ZNF225: variants seen among roughly 807,000 people sequenced by gnomAD.
ZNF225 encodes zinc finger protein 225.
In ZNF225, 6 loss-of-function variants were observed where a neutral mutation model predicts 12.0. The observed-to-expected ratio is 0.50, with a 90% CI of 0.27 to 0.98. The LOEUF (loss-of-function observed/expected upper bound fraction) is 0.98, where lower values mean the gene tolerates loss of function less well. ZNF225 is among the 50% of genes least tolerant of loss of function. The pLI, the probability that ZNF225 is intolerant of heterozygous loss-of-function variation, is 0.11. For synonymous variants in ZNF225, 271 were observed against 283.2 expected, an observed-to-expected ratio of 0.96 and a Z score of 0.43; for missense variants, 763 against 848.2, an observed-to-expected ratio of 0.90 and a Z score of 1.25.
intron 1 of ZNF225, chr19:44,114,308 G>T: frequency 1.9e-6 from 1 of 535,592 alleles, no homozygotes. Context: ...GCTTTCAGTT[G>T]TCATGTTTTT....
intron 4 of ZNF225, among the ~76,000 whole-genome samples, chr19:44,122,266 CT>C (rs1253645448): frequency 6.6e-6 from 1 of 152,104 alleles, no homozygotes; most frequent in East Asian, 1.9e-4. Flanking sequence ...CTTTCCCCCA[CT>C]TTATGTTTTT....
rs1393085615 is a variant in ZNF225 at position 44,132,907 on chromosome 19, T to G, written c.*172T>G. The stretch of plus-strand genomic sequence containing the variant: ...TATTTGAAAATAATACGTTGTTAAT[T>G]ACTGTCACCCTGTAGTGGTGTAAAA... On this transcript the variant is annotated 3_prime_UTR_variant, in exon 5 of 5. Transcript: ENST00000262894. 2 of 596,812 alleles carry G rather than the reference T, an allele frequency of 3.4e-6. No homozygotes were observed. Among genetic ancestry groups the G allele is most frequent in the East Asian group, 6.3e-5 (2 of 31,720 alleles). The allele number at this position is 596,812 out of a possible 1,614,324, so 37.0% of individuals were successfully genotyped here.
At chr19:44,118,937 C>G (rs1380465560) in intron 4 of ZNF225, among the ~76,000 whole-genome samples, 1 of 152,094 alleles carries the variant, frequency 6.6e-6, no homozygotes, top group African/African-American at 2.4e-5. Context: ...CTGCCTCAGC[C>G]TCCTGAGTAG....
rs35389038 is a variant in ZNF225, at chr19:44,131,507, G to A, written c.893G>A (p.Arg298His). The change falls in exon 5 of 5, where the codon CGT becomes CAT. Residue 298 changes from arginine (R) to histidine (H), a missense_variant. Transcript: ENST00000262894. ...FKCDICCKSF[R>H]SRANLNRHSM... ...TGTGATATATGTTGTAAGAGCTTCCGTAGTAGAGCAAATCTTAATAGGCAT... is the reference window on the plus strand; with the variant it reads ...TGTGATATATGTTGTAAGAGCTTCCATAGTAGAGCAAATCTTAATAGGCAT... 106 of 1,614,124 alleles carry A rather than the reference G, an allele frequency of 6.6e-5. No homozygotes were observed. In the African/African-American group the frequency reaches 1.1e-3, roughly 16 times the overall value.
intron 4 of ZNF225, among the ~76,000 whole-genome samples, chr19:44,121,525 T>G (rs1366705909): frequency 6.6e-6 from 1 of 152,236 alleles, no homozygotes; most frequent in African/African-American, 2.4e-5. Context: ...GTGGGATTGC[T>G]GGATCAAATG....
intron 4 of ZNF225, among the ~76,000 whole-genome samples, chr19:44,125,456 A>G (rs1471356315): frequency 2.0e-5 from 3 of 152,190 alleles, no homozygotes; most frequent in Non-Finnish European, 4.4e-5. Flanking sequence ...TCTGTCTCAC[A>G]GCTCTTAAGA....
At chr19:44,123,611 C>T (rs2147563078) in intron 4 of ZNF225, among the ~76,000 whole-genome samples, 1 of 152,214 alleles carries the variant, frequency 6.6e-6, no homozygotes, top group Non-Finnish European at 1.5e-5. Context: ...TGCTGGGAAT[C>T]CATCTGGTCC....
chr19:44,113,430 C>G lies in ZNF225; in HGVS notation c.-208C>G, dbSNP rs1289153127. 6.6e-6 allele frequency: 1 copy of G among 152,240 alleles called. No homozygotes were observed. Among genetic ancestry groups the G allele is most frequent in the East Asian group, 1.9e-4 (1 of 5,178 alleles). The allele number at this position is 152,240 out of a possible 1,614,324, so 9.4% of individuals were successfully genotyped here. A position where few individuals can be genotyped will look rare whatever the true frequency, so the allele number is the denominator to read the frequency against. On this transcript the variant is annotated 5_prime_UTR_variant, in exon 1 of 5. Coordinates refer to ENST00000262894, the MANE Select transcript of ZNF225 (RefSeq NM_013362.4). ...GTAGCGGGCCACTTCCGCTCCGTTA[C>G]TGTGAGGTTGCTGCAGTTTTGTCCC...
Position 44,132,245 on chromosome 19 carries a change from A to G in ZNF225, c.1631A>G (p.Glu544Gly), listed in dbSNP as rs1451766584. 3.1e-6 allele frequency: 5 copies of G among 1,614,106 alleles called. No individual in the cohort carries two copies. The highest frequency in any genetic ancestry group is 4.5e-5 in the East Asian group (2 of 44,880). The change falls in exon 5 of 5, where the codon GAG (glutamate) becomes GGG (glycine). Residue 544 changes from glutamate to glycine, a missense_variant. Glu to Gly is a moderately conservative substitution (Grantham distance 98). Coordinates refer to ENST00000262894, the MANE Select transcript of ZNF225 (RefSeq NM_013362.4). ...GGAGTAAAGCCATACAAATGTGAAG[A>G]GTGTGGGAAGGGCTTCAACAGTAAG... ...HTGVKPYKCE[E>G]CGKGFNSKFN... is the part of the protein sequence containing the mutation.
chr19:44,126,859 C>T (rs1476634377), intron 4 of ZNF225, among the ~76,000 whole-genome samples: 3 of 152,302 alleles, frequency 2.0e-5, no homozygotes, highest in African/African-American at 7.2e-5. Context: ...AGCTCCCATG[C>T]AAACCAAAGG....
intron 4 of ZNF225, among the ~76,000 whole-genome samples, chr19:44,124,325 A>G (rs1191146170): frequency 6.6e-6 from 1 of 152,140 alleles, no homozygotes; most frequent in Admixed American, 6.5e-5. Context: ...CATGGTTTTG[A>G]AGGTTCCTCT....
intron 2 of ZNF225, among the ~76,000 whole-genome samples, chr19:44,116,336 CA>C (rs1967941451): frequency 6.6e-6 from 1 of 152,122 alleles, no homozygotes; most frequent in Admixed American, 6.5e-5. Context: ...TGTGTTGTGC[CA>C]ACACGAGAGC....
chr19:44,132,789 T>G lies in ZNF225; in HGVS notation c.*54T>G. On this transcript the variant is annotated 3_prime_UTR_variant, in exon 5 of 5. Coordinates refer to ENST00000262894, the MANE Select transcript of ZNF225 (RefSeq NM_013362.4). ...TGATAGTTAATGCAAGTATACAATG[T>G]GTAATGATCAAATCAGTGTAATTAA... The G allele has an allele frequency of 7.3e-7, 1 of 1,378,890 alleles. No individual in the cohort carries two copies. 85.4% of individuals were successfully genotyped at this position (1,378,890 alleles called of 1,614,324 possible).
At chr19:44,115,940 C>A in intron 2 of ZNF225, 98 bp downstream of exon 2, 2 of 1,217,984 alleles carry the variant, frequency 1.6e-6, no homozygotes, top group Non-Finnish European at 2.3e-6. Flanking sequence ...TGGCTCATTG[C>A]AACCTCCACC....
intron 4 of ZNF225, among the ~76,000 whole-genome samples, chr19:44,121,205 C>A (rs1274251829): frequency 6.6e-6 from 1 of 152,160 alleles, no homozygotes; most frequent in Admixed American, 6.6e-5. Flanking sequence ...CCTTTGCATC[C>A]TCGTAGGTTA....
chr19:44,121,303 G>T (rs183853211), intron 4 of ZNF225, among the ~76,000 whole-genome samples: 2 of 152,264 alleles, frequency 1.3e-5, no homozygotes, highest in Non-Finnish European at 2.9e-5. Context: ...GTCTCATCCA[G>T]GTTGCTGCAA....
chr19:44,127,504 T>G (rs1368009897), intron 4 of ZNF225, among the ~76,000 whole-genome samples: 1 of 152,196 alleles, frequency 6.6e-6, no homozygotes, highest in Non-Finnish European at 1.5e-5. Flanking sequence ...TGGGAGACTC[T>G]GTATGCCGCA....
Position 44,132,567 on chromosome 19 carries a change from A to G in ZNF225, c.1953A>G (p.Leu651=), listed in dbSNP as rs769294057. The G allele has an allele frequency of 2.5e-6, 4 of 1,613,990 alleles. No homozygotes were observed. The East Asian group carries it at 6.7e-5, about 27-fold the overall frequency. ...THQRLHSREK[L]LQCEDCGKSI... ...AGAGACTCCACAGTAGAGAAAAACT[A>G]CTTCAATGTGAGGACTGTGGGAAGA... Residue 651 remains leucine, a synonymous_variant, in exon 5 of 5, where the codon CTA becomes CTG. Coordinates refer to ENST00000262894, the MANE Select transcript of ZNF225 (RefSeq NM_013362.4).
chr19:44,131,711 A>G lies in ZNF225; in HGVS notation c.1097A>G (p.His366Arg), dbSNP rs1968264579. 1 of 1,614,142 alleles carries G rather than the reference A, an allele frequency of 6.2e-7. No homozygotes were observed. The highest frequency in any genetic ancestry group is 1.3e-5 in the African/African-American group (1 of 74,950). ...RQDLYKHQIDHTGEKPYNCKE... is the reference protein window; with the variant it reads ...RQDLYKHQIDRTGEKPYNCKE... ...GATCTTTATAAGCATCAGATAGACC[A>G]CACAGGGGAGAAGCCATATAATTGT... The change falls in exon 5 of 5, where the codon CAC becomes CGC. Residue 366 changes from histidine to arginine, a missense_variant. Coordinates refer to ENST00000262894, the MANE Select transcript of ZNF225 (RefSeq NM_013362.4).
Sources: gnomAD v4.1 joint callset for allele counts (sites outside exome capture counted in the v4.1 genomes callset) on GRCh38, gnomAD v4.1.1 for gene constraint, MANE v1.5 for transcripts, NCBI Gene and HGNC (gene_info 2026-07-23, HGNC 2026-07-21) for gene names.